The following KIRREL3 variants were observed in gnomAD, a reference collection of about 807,000 sequenced individuals.
The protein encoded by KIRREL3 is kin of IRRE-like protein 3.
A neutral mutation model predicts 89.7 loss-of-function variants in KIRREL3; 36 were observed. The observed-to-expected ratio is 0.40, with a 90% CI of 0.31 to 0.53. The LOEUF (loss-of-function observed/expected upper bound fraction) is 0.53. Ranked by LOEUF, KIRREL3 falls within the 20% of genes least tolerant of loss-of-function variation. KIRREL3 has a pLI of 0.49. For missense variants in KIRREL3, 864 were observed against 1,056.6 expected (o/e 0.82, Z 2.53); for synonymous variants, 445 against 441.4 (o/e 1.01, Z -0.10).
At chr11:126,815,420 G>A (rs1951530628) in intron 1 of KIRREL3, among the ~76,000 whole-genome samples, 1 of 152,208 alleles carries the variant, frequency 6.6e-6, no homozygotes, top group Non-Finnish European at 1.5e-5. Context: ...TCTGTAACAC[G>A]GGGAAGGATA....
At chr11:126,751,411 C>G (rs907100712) in intron 1 of KIRREL3, among the ~76,000 whole-genome samples, 1 of 152,228 alleles carries the variant, frequency 6.6e-6, no homozygotes, top group Non-Finnish European at 1.5e-5. Context: ...GTTTCAATAT[C>G]TCTGTTATGA....
At chr11:126,426,524 GA>G in intron 15 of KIRREL3, among the ~76,000 whole-genome samples, 1 of 152,306 alleles carries the variant, frequency 6.6e-6, no homozygotes, top group Non-Finnish European at 1.5e-5. Context: ...TATGTTGAAT[GA>G]ATAGGCAAAG....
rs199880569 is a variant in KIRREL3, at chr11:126,866,658, C to A, written c.55+133797G>T. Among the ~76,000 whole-genome samples, 149 of 151,852 alleles carry A rather than the reference C, an allele frequency of 9.8e-4. 1 individual carries two copies. The East Asian group carries it at 0.022, about 22-fold the overall frequency. ...TGCCACCCTCCTCACTGCCCCCCCACACACACTGACCAGCCTATAAAAACC... is the reference window on the plus strand; with the variant it reads ...TGCCACCCTCCTCACTGCCCCCCCAAACACACTGACCAGCCTATAAAAACC... On this transcript the variant is annotated intron_variant, in intron 1 of 16. Coordinates refer to ENST00000525144, the MANE Select transcript of KIRREL3 (RefSeq NM_032531.4).
In KIRREL3 at chr11:126,994,874, C is replaced by T. The variant is rs1264948882; in HGVS notation, c.55+5581G>A. Among the ~76,000 whole-genome samples, 9 of 152,282 alleles carry T rather than the reference C, an allele frequency of 5.9e-5. No homozygotes were observed. The East Asian group carries it at 1.7e-3, about 29-fold the overall frequency. On this transcript the variant is annotated intron_variant, in intron 1 of 16. Transcript: ENST00000525144. The surrounding 1 kb of genome is among the most constrained non-coding windows in gnomAD (Gnocchi z 5.2). ...GATGGCAGGACATAGCATCCCTTCC[C>T]CAACCATGAGAGAAGTATTCTGATG...
At position 126,498,618 on chromosome 11, in the gene KIRREL3, C is replaced by G. The variant is rs1957750464; in HGVS notation, c.433+22697G>C. Among the ~76,000 whole-genome samples, 5 of 152,254 alleles carry G rather than the reference C, an allele frequency of 3.3e-5. No individual in the cohort carries two copies. The South Asian group carries it at 1.0e-3, about 32-fold the overall frequency. ...CTCCGGGGCATGCCAAGTGTCACAG[C>G]CAGGAGGGGAAGGGGCCCGTGACCT... On this transcript the variant is annotated intron_variant, in intron 4 of 16. Coordinates refer to ENST00000525144, the MANE Select transcript of KIRREL3 (RefSeq NM_032531.4). This position sits in a 1 kb window ranked among gnomAD's most constrained non-coding sequence, Gnocchi z 4.3.
rs994086275 is a variant in KIRREL3 at position 126,744,561 on chromosome 11, A to G, written c.56-181649T>C. On this transcript the variant is annotated intron_variant, in intron 1 of 16. Transcript: ENST00000525144. This position sits in a 1 kb window ranked among gnomAD's most constrained non-coding sequence, Gnocchi z 4.7. Reference sequence around the variant, plus strand: ...AGAAGCAGCAGAGACCTCAATTTTCAAAGTGTGTATCTGGAACAATACAGA... The same window carrying G: ...AGAAGCAGCAGAGACCTCAATTTTCGAAGTGTGTATCTGGAACAATACAGA... 5.3e-5 allele frequency among the ~76,000 whole-genome samples: 8 copies of G among 152,210 alleles called. No homozygotes were observed. Among genetic ancestry groups the G allele is most frequent in the Non-Finnish European group, 1.2e-4 (8 of 68,038 alleles).
At chr11:126,920,552 A>G (rs925787412) in intron 1 of KIRREL3, 1 of 152,254 alleles carries the variant, frequency 6.6e-6, no homozygotes, top group African/African-American at 2.4e-5. Flanking sequence ...CCTAAAGGAT[A>G]AATTCAGACA....
Position 126,788,889 on chromosome 11 carries a change from A to T in KIRREL3, c.55+211566T>A, listed in dbSNP as rs142106289. On this transcript the variant is annotated intron_variant, in intron 1 of 16. Coordinates refer to ENST00000525144, the MANE Select transcript of KIRREL3 (RefSeq NM_032531.4). The surrounding 1 kb of genome is among the most constrained non-coding windows in gnomAD (Gnocchi z 4.1). ...GTGTAGAAAATCAGCATTGTAAATA[A>T]TCATTATTATCAAAGAGTGTCATGT... Among the ~76,000 whole-genome samples the T allele has an allele frequency of 6.1e-4, 93 of 152,252 alleles. No homozygotes were observed. In the Middle Eastern group the frequency reaches 0.014, roughly 22 times the overall value.
At position 126,694,774 on chromosome 11, in the gene KIRREL3, G is replaced by A. The variant is rs563085084; in HGVS notation, c.56-131862C>T. 1.3e-5 allele frequency among the ~76,000 whole-genome samples: 2 copies of A among 152,202 alleles called. No homozygotes were observed. Among genetic ancestry groups the A allele is most frequent in the South Asian group, 4.1e-4 (2 of 4,826 alleles). ...GATGGAATTCATTATATATATGAGA[G>A]TGCTTACTCAGTATCAGGTAGATGC... On this transcript the variant is annotated intron_variant, in intron 1 of 16. Coordinates refer to ENST00000525144, the MANE Select transcript of KIRREL3 (RefSeq NM_032531.4). This position sits in a 1 kb window ranked among gnomAD's most constrained non-coding sequence, Gnocchi z 4.4.
intron 11 of KIRREL3, among the ~76,000 whole-genome samples, chr11:126,438,966 C>T (rs1181525203): frequency 6.6e-6 from 1 of 152,200 alleles, no homozygotes; most frequent in Non-Finnish European, 1.5e-5. Context: ...GGACAGTCTT[C>T]TAGCAGGATT....
rs988450802 is a variant in KIRREL3, at chr11:126,898,145, A to G, written c.55+102310T>C. On this transcript the variant is annotated intron_variant, in intron 1 of 16. Transcript: ENST00000525144. This position sits in a 1 kb window ranked among gnomAD's most constrained non-coding sequence, Gnocchi z 4.9. ...CCCTGGTTCCAGTCTCTGATGCCACAGTCGCCTATCTCGTGGACAGGTGGA... is the reference window on the plus strand; with the variant it reads ...CCCTGGTTCCAGTCTCTGATGCCACGGTCGCCTATCTCGTGGACAGGTGGA... 1.1e-4 allele frequency among the ~76,000 whole-genome samples: 17 copies of G among 152,160 alleles called. No individual in the cohort carries two copies. The highest frequency in any genetic ancestry group is 3.9e-4 in the African/African-American group (16 of 41,432).
chr11:126,705,289 G>C lies in KIRREL3; in HGVS notation c.56-142377C>G, dbSNP rs529182588. Among the ~76,000 whole-genome samples, 1 of 152,158 alleles carries C rather than the reference G, an allele frequency of 6.6e-6. No homozygotes were observed. The highest frequency in any genetic ancestry group is 1.5e-5 in the Non-Finnish European group (1 of 68,024). Reference sequence around the variant, plus strand: ...ATGTTGAAATGTGATCCCCAGTATTGAAGGTGGGGCCTGGTGGGAGGTGAT... The same window carrying C: ...ATGTTGAAATGTGATCCCCAGTATTCAAGGTGGGGCCTGGTGGGAGGTGAT... On this transcript the variant is annotated intron_variant, in intron 1 of 16. Coordinates refer to ENST00000525144, the MANE Select transcript of KIRREL3 (RefSeq NM_032531.4). The surrounding 1 kb of genome is among the most constrained non-coding windows in gnomAD (Gnocchi z 4.3).
At chr11:126,451,434 A>G (rs1157856945) in intron 7 of KIRREL3, among the ~76,000 whole-genome samples, 2 of 136,090 alleles carry the variant, frequency 1.5e-5, no homozygotes, top group African/African-American at 2.8e-5. Flanking sequence ...GAGCGTGTGC[A>G]TGTGTGTGTC....
chr11:126,837,571 A>G lies in KIRREL3; in HGVS notation c.55+162884T>C, dbSNP rs1943823325. ...AAGAACTCCTCTTCCCACCTCTTCC[A>G]ATCCTCGCTACATCCAGGAACTTAC... On this transcript the variant is annotated intron_variant, in intron 1 of 16. Transcript: ENST00000525144. The surrounding 1 kb of genome is among the most constrained non-coding windows in gnomAD (Gnocchi z 4.7). 1.3e-5 allele frequency among the ~76,000 whole-genome samples: 2 copies of G among 152,174 alleles called. No individual in the cohort carries two copies. Among genetic ancestry groups the G allele is most frequent in the African/African-American group, 2.4e-5 (1 of 41,442 alleles).
rs1426990046 is a variant in KIRREL3, at chr11:126,969,861, A to G, written c.55+30594T>C. Among the ~76,000 whole-genome samples the G allele has an allele frequency of 6.6e-6, 1 of 152,194 alleles. No homozygotes were observed. The highest frequency in any genetic ancestry group is 2.4e-5 in the African/African-American group (1 of 41,454). On this transcript the variant is annotated intron_variant, in intron 1 of 16. Coordinates refer to ENST00000525144, the MANE Select transcript of KIRREL3 (RefSeq NM_032531.4). This position sits in a 1 kb window ranked among gnomAD's most constrained non-coding sequence, Gnocchi z 4.9. ...CTCTTCTCCTTTCTCTCTACTCTGC[A>G]TGGAAATGCAAAATGCTGGAGTCCA...
chr11:126,767,199 ACCCAGTGC>A (rs1949851348), intron 1 of KIRREL3, among the ~76,000 whole-genome samples: 1 of 152,232 alleles, frequency 6.6e-6, no homozygotes, highest in African/African-American at 2.4e-5. Context: ...TCAGCCTCCA[ACCCAGTGC>A]TTTTCCTACC....
At position 126,530,643 on chromosome 11, in the gene KIRREL3, G is replaced by A. The variant is rs902629736; in HGVS notation, c.134-3956C>T. ...TGCCCCCTCCCCATCACACCTGGGC[G>A]TCTCAGATGGAGCACAGAGTAGGTG... On this transcript the variant is annotated intron_variant, in intron 2 of 16. Coordinates refer to ENST00000525144, the MANE Select transcript of KIRREL3 (RefSeq NM_032531.4). The surrounding 1 kb of genome is among the most constrained non-coding windows in gnomAD (Gnocchi z 5.8). Among the ~76,000 whole-genome samples, 9 of 152,100 alleles carry A rather than the reference G, an allele frequency of 5.9e-5. No individual in the cohort carries two copies. Among genetic ancestry groups the A allele is most frequent in the African/African-American group, 2.2e-4 (9 of 41,412 alleles).
chr11:126,702,696 G>C (rs932437035), intron 1 of KIRREL3, among the ~76,000 whole-genome samples: 3 of 152,184 alleles, frequency 2.0e-5, no homozygotes, highest in African/African-American at 7.2e-5. Context: ...CACCCTGCAC[G>C]GACAGGGCCC....
At position 126,993,612 on chromosome 11, in the gene KIRREL3, G is replaced by T. The variant is rs561611895; in HGVS notation, c.55+6843C>A. Reference sequence around the variant, plus strand: ...CTCCCCAACCAGACTAAGAGCTCTGGGGCAGAAACATGGTCTTCATTATCT... The same window carrying T: ...CTCCCCAACCAGACTAAGAGCTCTGTGGCAGAAACATGGTCTTCATTATCT... On this transcript the variant is annotated intron_variant, in intron 1 of 16. Transcript: ENST00000525144. The surrounding 1 kb of genome is among the most constrained non-coding windows in gnomAD (Gnocchi z 6.1). Among the ~76,000 whole-genome samples the T allele has an allele frequency of 1.3e-5, 2 of 152,234 alleles. No homozygotes were observed. The highest frequency in any genetic ancestry group is 3.9e-4 in the East Asian group (2 of 5,190).
Sources: allele counts gnomAD v4.1 joint callset (sites outside exome capture counted in the v4.1 genomes callset), GRCh38; gene constraint gnomAD v4.1.1; non-coding constraint Gnocchi (gnomAD v3.1); transcripts MANE v1.5; gene names NCBI Gene and HGNC (gene_info 2026-07-23, HGNC 2026-07-21).